MGAM2: variants seen among roughly 807,000 people sequenced by gnomAD.
The protein encoded by MGAM2 is maltase-glucoamylase 2 (putative).
In MGAM2, 98 loss-of-function variants were observed where a neutral mutation model predicts 96.1. The observed-to-expected ratio is 1.02, with a 90% CI of 0.87 to 1.21. The LOEUF is 1.21. Among genes scored for constraint, MGAM2 ranks in the 50% most tolerant of loss-of-function variants. The pLI, the probability that MGAM2 is intolerant of heterozygous loss-of-function variation, is 0.00. For synonymous variants in MGAM2, 749 were observed against 414.8 expected, an observed-to-expected ratio of 1.81 and a Z score of -9.79; for missense variants, 2,055 against 1,182.4, an observed-to-expected ratio of 1.74 and a Z score of -10.82.
intron 6 of MGAM2, 54 bp from the exon 7 acceptor site, chr7:142,133,927 G>A (rs1194241952): frequency 6.2e-6 from 4 of 647,810 alleles, no homozygotes; most frequent in Non-Finnish European, 1.1e-5. Context: ...TAGCTTCCTG[G>A]CAGAGGAAAG....
At chr7:142,167,539 G>A in intron 26 of MGAM2, 53 bp downstream of exon 26, 1 of 700,062 alleles carries the variant, frequency 1.4e-6, no homozygotes, top group East Asian at 2.7e-5. Context: ...TTAATTTACA[G>A]TGCTGTATGG....
At chr7:142,184,234 A>G (rs1007811341) in intron 33 of MGAM2, among the ~76,000 whole-genome samples, 2 of 151,878 alleles carry the variant, frequency 1.3e-5, no homozygotes, top group East Asian at 1.9e-4. Flanking sequence ...CGGCCTCCCA[A>G]AGCGCTGGGA....
intron 2 of MGAM2, among the ~76,000 whole-genome samples, chr7:142,119,274 A>T (rs751869636): frequency 6.6e-6 from 1 of 152,200 alleles, no homozygotes; most frequent in Non-Finnish European, 1.5e-5. Flanking sequence ...TTAAATAGAC[A>T]TTTCTCCCAA....
intron 37 of MGAM2, among the ~76,000 whole-genome samples, chr7:142,194,874 T>A (rs1333479539): frequency 6.6e-6 from 1 of 152,216 alleles, no homozygotes; most frequent in African/African-American, 2.4e-5. Context: ...GATGCTTTTT[T>A]AAGCAAATAC....
chr7:142,193,293 T>A (rs541141870), intron 37 of MGAM2, among the ~76,000 whole-genome samples: 43 of 152,182 alleles, frequency 2.8e-4, no homozygotes, highest in Non-Finnish European at 5.0e-4. Flanking sequence ...GATTACTCCA[T>A]CCCTCCTAAT....
At chr7:142,167,613 C>T in intron 26 of MGAM2, 127 bp downstream of exon 26, 1 of 628,010 alleles carries the variant, frequency 1.6e-6, no homozygotes, top group Non-Finnish European at 2.9e-6. Context: ...CCCACTGACA[C>T]CCAGGCTGGA....
chr7:142,221,203 C>T lies in MGAM2; in HGVS notation c.6692C>T (p.Thr2231Ile), dbSNP rs1026057421. ...TSPTSTDVAS[T>I]NNDASMTNFL... is the part of the protein sequence containing the mutation. Reference sequence around the variant, plus strand: ...CCTACAAGTACTGATGTTGCTAGCACAAATAATGATGCTTCTATGACAAAT... The same window carrying T: ...CCTACAAGTACTGATGTTGCTAGCATAAATAATGATGCTTCTATGACAAAT... Residue 2231 changes from threonine (T) to isoleucine (I), a missense_variant, in exon 48 of 48, where the codon ACA (threonine) becomes ATA (isoleucine). Physicochemically the swap from Thr to Ile is moderately conservative, Grantham distance 89 (BLOSUM62 -1). Transcript: ENST00000477922. 4.3e-6 allele frequency: 3 copies of T among 702,294 alleles called. No homozygotes were observed. Among genetic ancestry groups the T allele is most frequent in the Admixed American group, 2.0e-5 (1 of 49,974 alleles). The allele number at this position is 702,294 out of a possible 1,614,324, so 43.5% of individuals were successfully genotyped here. A position where few individuals can be genotyped will look rare whatever the true frequency, so the allele number is the denominator to read the frequency against.
intron 1 of MGAM2, among the ~76,000 whole-genome samples, chr7:142,116,091 T>G (rs1269971540): frequency 6.6e-6 from 1 of 152,016 alleles, no homozygotes; most frequent in Non-Finnish European, 1.5e-5. Flanking sequence ...AGCAGAAAAA[T>G]GAGAACACAT....
chr7:142,153,647 G>C (rs914369062), intron 15 of MGAM2, among the ~76,000 whole-genome samples: 1 of 152,110 alleles, frequency 6.6e-6, no homozygotes, highest in Non-Finnish European at 1.5e-5. Context: ...GAAATTCATG[G>C]AACCAAAGGA....
rs2129077273 is a variant in MGAM2 at position 142,131,515 on chromosome 7, T to C, written c.311-3T>C. ...CTCTCTCTCCATATCTTGCCACCCCTAGGATTTACTGCCCAGTTGAAAAGG... is the reference window on the plus strand; with the variant it reads ...CTCTCTCTCCATATCTTGCCACCCCCAGGATTTACTGCCCAGTTGAAAAGG... On this transcript the variant is annotated splice_region_variant and splice_polypyrimidine_tract_variant and intron_variant, in intron 4 of 47. Transcript: ENST00000477922. The C allele has an allele frequency of 2.8e-6, 2 of 702,768 alleles. No homozygotes were observed. The highest frequency in any genetic ancestry group is 5.4e-5 in the East Asian group (2 of 37,288). The allele number at this position is 702,768 out of a possible 1,614,324, so 43.5% of individuals were successfully genotyped here.
intron 2 of MGAM2, among the ~76,000 whole-genome samples, chr7:142,118,699 CTT>C (rs1047269157): frequency 2.6e-5 from 4 of 152,158 alleles, no homozygotes; most frequent in African/African-American, 4.8e-5. Flanking sequence ...CCTCTGGTGT[CTT>C]TAAGCAGCTG....
rs752736664 is a variant in MGAM2 at position 142,167,312 on chromosome 7, C to A, written c.2853C>A (p.Ile951=). ...TGCCCACCTGTTACTATGACACCATCCCTAATTATGTTGCTAGTGATATTC... is the reference window on the plus strand; with the variant it reads ...TGCCCACCTGTTACTATGACACCATACCTAATTATGTTGCTAGTGATATTC... The part of the protein sequence containing the change: ...PGVPTCYYDT[I]PNYVASDIQY... Residue 951 remains isoleucine, a synonymous_variant, in exon 26 of 48, where the codon ATC becomes ATA. Transcript: ENST00000477922. 1.4e-6 allele frequency: 1 copy of A among 702,642 alleles called. No homozygotes were observed. The highest frequency in any genetic ancestry group is 2.0e-5 in the Admixed American group (1 of 50,002). The allele number at this position is 702,642 out of a possible 1,614,324, so 43.5% of individuals were successfully genotyped here.
At chr7:142,132,838 TTATA>T (rs1794938874) in intron 6 of MGAM2, among the ~76,000 whole-genome samples, 1 of 128,348 alleles carries the variant, frequency 7.8e-6, no homozygotes, top group Non-Finnish European at 1.5e-5. Context: ...AGTAATATAA[TTATA>T]TAAATATATA....
rs540308572 is a variant in MGAM2, at chr7:142,198,422, C to G, written c.4924-193C>G. On this transcript the variant is annotated intron_variant, in intron 43 of 47. Coordinates refer to ENST00000477922, the MANE Select transcript of MGAM2 (RefSeq NM_001293626.2). ...CCCTTGCCCTTGCCTCTCAACTTTTCTGGAGAAACAAAGACAAGTCTAGAT... is the reference window on the plus strand; with the variant it reads ...CCCTTGCCCTTGCCTCTCAACTTTTGTGGAGAAACAAAGACAAGTCTAGAT... Among the ~76,000 whole-genome samples the G allele has an allele frequency of 2.6e-5, 4 of 152,272 alleles. No individual in the cohort carries two copies. The East Asian group carries it at 7.7e-4, about 29-fold the overall frequency.
rs558270612 is a variant in MGAM2 at position 142,195,853 on chromosome 7, G to A, written c.4347-301G>A. Among the ~76,000 whole-genome samples the A allele has an allele frequency of 3.9e-5, 6 of 152,134 alleles. No homozygotes were observed. In the South Asian group the frequency reaches 1.0e-3, roughly 26 times the overall value. ...TGACCGGTATAATACTGGAATAGAG[G>A]AATTGTTCCATAAATAGCTATATTA... On this transcript the variant is annotated intron_variant, in intron 37 of 47. Transcript: ENST00000477922.
chr7:142,129,122 T>C lies in MGAM2; in HGVS notation c.187-1826T>C, dbSNP rs374497373. 4.5e-4 allele frequency among the ~76,000 whole-genome samples: 68 copies of C among 152,294 alleles called. 1 individual carries two copies. The Middle Eastern group carries it at 0.017, about 38-fold the overall frequency. The stretch of plus-strand genomic sequence containing the variant: ...TGTGAGACATGGAGTCAAAGGAGAT[T>C]ATTTCAGAGCTTTAGGATTTGACAG... On this transcript the variant is annotated intron_variant, in intron 3 of 47. Transcript: ENST00000477922.
At position 142,145,385 on chromosome 7, in the gene MGAM2, C is replaced by T. The variant is rs537803464; in HGVS notation, c.1516+440C>T. Among the ~76,000 whole-genome samples the T allele has an allele frequency of 4.9e-4, 74 of 152,002 alleles. 1 individual carries two copies. Among genetic ancestry groups the T allele is most frequent in the African/African-American group, 1.7e-3 (69 of 41,462 alleles). ...CTTACCCTCCCTTCCTTCCTTCTTC[C>T]CTTTTTCCTTTTTCTTTTTTCCCTC... On this transcript the variant is annotated intron_variant, in intron 14 of 47. Coordinates refer to ENST00000477922, the MANE Select transcript of MGAM2 (RefSeq NM_001293626.2).
Position 142,221,384 on chromosome 7 carries a change from T to C in MGAM2, c.6873T>C (p.Thr2291=), listed in dbSNP as rs1797922623. The C allele has an allele frequency of 3.3e-6, 2 of 607,010 alleles. No individual in the cohort carries two copies. Among genetic ancestry groups the C allele is most frequent in the African/African-American group, 3.7e-5 (2 of 54,014 alleles). 37.6% of individuals were successfully genotyped at this position (607,010 alleles called of 1,614,324 possible). ...ATAATACTAATCCTGGCATGACTACTTATTACCAGACTTCTCCTACCATTC... is the reference window on the plus strand; with the variant it reads ...ATAATACTAATCCTGGCATGACTACCTATTACCAGACTTCTCCTACCATTC... ...TSNNTNPGMT[T]YYQTSPTIPT... is the part of the protein sequence containing the mutation. The change falls in exon 48 of 48, where the codon ACT becomes ACC. Residue 2291 remains threonine (T), a synonymous_variant. Coordinates refer to ENST00000477922, the MANE Select transcript of MGAM2 (RefSeq NM_001293626.2).
At position 142,169,442 on chromosome 7, in the gene MGAM2, A is replaced by G. The variant is rs117141956; in HGVS notation, c.3028-633A>G. Among the ~76,000 whole-genome samples, 203 of 152,260 alleles carry G rather than the reference A, an allele frequency of 1.3e-3. 7 individuals are homozygous for G. The East Asian group carries it at 0.034, about 26-fold the overall frequency. On this transcript the variant is annotated intron_variant, in intron 26 of 47. Transcript: ENST00000477922. Reference sequence around the variant, plus strand: ...TCTAAAAATAAAAATAAAAAAAAAGAAAGAAGAAAACCTTCACCTAAGCAC... The same window carrying G: ...TCTAAAAATAAAAATAAAAAAAAAGGAAGAAGAAAACCTTCACCTAAGCAC...
Sources: gnomAD v4.1 joint callset for allele counts (sites outside exome capture counted in the v4.1 genomes callset) on GRCh38, gnomAD v4.1.1 for gene constraint, MANE v1.5 for transcripts, NCBI Gene and HGNC (gene_info 2026-07-23, HGNC 2026-07-21) for gene names.